The following CTTNBP2NL variants were observed in gnomAD, a reference collection of about 807,000 sequenced individuals.
The protein encoded by CTTNBP2NL is CTTNBP2 N-terminal-like protein.
A neutral mutation model predicts 32.5 loss-of-function variants in CTTNBP2NL; 16 were observed. That is an observed-to-expected ratio of 0.49 (90% CI 0.33 to 0.75). The LOEUF (loss-of-function observed/expected upper bound fraction) is 0.75, where lower values mean the gene tolerates loss of function less well. Ranked by LOEUF, CTTNBP2NL falls within the 30% of genes least tolerant of loss-of-function variation. The pLI, the probability that CTTNBP2NL is intolerant of heterozygous loss-of-function variation, is 0.02. For synonymous variants in CTTNBP2NL, 298 were observed against 289.4 expected, an observed-to-expected ratio of 1.03 and a Z score of -0.30; for missense variants, 645 against 756.0, an observed-to-expected ratio of 0.85 and a Z score of 1.72.
chr1:112,426,874 G>A (rs1649422742), intron 3 of CTTNBP2NL, among the ~76,000 whole-genome samples: 1 of 151,978 alleles, frequency 6.6e-6, no homozygotes, highest in Admixed American at 6.6e-5. Flanking sequence ...CCAAAGTTCT[G>A]GGATTACAGG....
Position 112,449,014 on chromosome 1 carries a change from CAG to C in CTTNBP2NL, c.178_179del (p.Asp60PhefsTer2). ...YNISDPLMAL[Q>X]RDFETLKEKN... Reference sequence around the variant, plus strand: ...CATCAGTGATCCTTTAATGGCTCTACAGAGAGATTTTGAAACACTGAAGGAGA... The same window carrying C: ...CATCAGTGATCCTTTAATGGCTCTACAGAGATTTTGAAACACTGAAGGAGA... On this transcript the variant is annotated frameshift_variant, in exon 4 of 6. Coordinates refer to ENST00000271277, the MANE Select transcript of CTTNBP2NL (RefSeq NM_018704.3). LOFTEE classifies it high-confidence loss of function. The C allele has an allele frequency of 6.2e-7, 1 of 1,612,874 alleles. No individual in the cohort carries two copies. Among genetic ancestry groups the C allele is most frequent in the African/African-American group, 1.3e-5 (1 of 75,002 alleles).
chr1:112,400,411 A>G (rs907443938), intron 1 of CTTNBP2NL, among the ~76,000 whole-genome samples: 4 of 152,202 alleles, frequency 2.6e-5, no homozygotes, highest in African/African-American at 9.7e-5. Context: ...CTGTAATCAC[A>G]GCACTTTTGG....
chr1:112,402,022 C>T (rs1234029322), intron 1 of CTTNBP2NL, among the ~76,000 whole-genome samples: 7 of 152,168 alleles, frequency 4.6e-5, no homozygotes, highest in African/African-American at 1.7e-4. Flanking sequence ...ACAAAGACTC[C>T]TGACCGTGAG....
In CTTNBP2NL at chr1:112,456,706, C is replaced by T; in HGVS notation, c.1214C>T (p.Pro405Leu). The change falls in exon 6 of 6, where the codon CCC (proline) becomes CTC (leucine). Residue 405 changes from proline to leucine, a missense_variant. Pro to Leu is a moderately conservative substitution (Grantham distance 98, BLOSUM62 -3). Coordinates refer to ENST00000271277, the MANE Select transcript of CTTNBP2NL (RefSeq NM_018704.3). ...GIETPVPMPS[P>L]LSSSGSSLSP... ...GAGACTCCAGTCCCAATGCCCAGTC[C>T]CCTCTCTTCCAGTGGGAGCTCACTG... is the stretch of plus-strand genomic sequence containing the variant. The T allele has an allele frequency of 6.2e-7, 1 of 1,614,052 alleles. No individual in the cohort carries two copies. The highest frequency in any genetic ancestry group is 8.5e-7 in the Non-Finnish European group (1 of 1,180,014).
intron 3 of CTTNBP2NL, among the ~76,000 whole-genome samples, chr1:112,426,587 A>G (rs912493625): frequency 1.4e-5 from 2 of 143,580 alleles, no homozygotes; most frequent in African/African-American, 5.2e-5. Flanking sequence ...TAATTAAATC[A>G]TTTTCCCTAC....
chr1:112,415,965 A>G (rs1649048082), intron 2 of CTTNBP2NL, 192 bp from the exon 3 acceptor site: 1 of 502,864 alleles, frequency 2.0e-6, no homozygotes, highest in Non-Finnish European at 3.5e-6. Flanking sequence ...CAATAATTAA[A>G]GTGAATTTTA....
chr1:112,436,854 G>A (rs571123440), intron 3 of CTTNBP2NL, among the ~76,000 whole-genome samples: 1 of 152,046 alleles, frequency 6.6e-6, no homozygotes, highest in Non-Finnish European at 1.5e-5. Flanking sequence ...CTCTCTTGAT[G>A]TCCATGTGTT....
intron 3 of CTTNBP2NL, among the ~76,000 whole-genome samples, chr1:112,431,116 A>G (rs918123063): frequency 2.0e-5 from 3 of 152,222 alleles, no homozygotes; most frequent in African/African-American, 7.2e-5. Flanking sequence ...AACAGTACCT[A>G]TTTAGAGAAC....
chr1:112,414,914 C>CA (rs1649010858), intron 2 of CTTNBP2NL: 1 of 152,208 alleles, frequency 6.6e-6, no homozygotes, highest in African/African-American at 2.4e-5. Context: ...ACAGGCCTGG[C>CA]ACAGTGGCTC....
chr1:112,410,517 T>A (rs1212604373), intron 1 of CTTNBP2NL, among the ~76,000 whole-genome samples: 2 of 152,188 alleles, frequency 1.3e-5, no homozygotes, highest in East Asian at 3.8e-4. Flanking sequence ...GTGTATTTTT[T>A]ATTGAGAAAA....
chr1:112,441,562 T>C (rs1241901656), intron 3 of CTTNBP2NL, among the ~76,000 whole-genome samples: 1 of 152,222 alleles, frequency 6.6e-6, no homozygotes, highest in Non-Finnish European at 1.5e-5. Flanking sequence ...TGGATTAATA[T>C]TTAATACTTA....
In CTTNBP2NL at chr1:112,446,518, A is replaced by G. The variant is rs115832650; in HGVS notation, c.100-2424A>G. ...TTTGGCACTGTTGCTTTTAAAATAC[A>G]ACTAGCTTTTTGGTTTTACTTTCAG... is the stretch of plus-strand genomic sequence containing the variant. On this transcript the variant is annotated intron_variant, in intron 3 of 5. Coordinates refer to ENST00000271277, the MANE Select transcript of CTTNBP2NL (RefSeq NM_018704.3). 2.3e-3 allele frequency among the ~76,000 whole-genome samples: 345 copies of G among 152,340 alleles called. 2 individuals are homozygous for G. Among genetic ancestry groups the G allele is most frequent in the African/African-American group, 7.8e-3 (324 of 41,584 alleles).
chr1:112,442,688 C>A (rs1241730580), intron 3 of CTTNBP2NL, among the ~76,000 whole-genome samples: 1 of 151,902 alleles, frequency 6.6e-6, no homozygotes, highest in Admixed American at 6.6e-5. Context: ...TTCTGTTACT[C>A]ATATTCTTTT....
rs1570736433 is a variant in CTTNBP2NL at position 112,436,821 on chromosome 1, A to G, written c.100-12121A>G. 3.9e-5 allele frequency among the ~76,000 whole-genome samples: 6 copies of G among 152,174 alleles called. 2 individuals carry two copies. Among genetic ancestry groups the G allele is most frequent in the Admixed American group, 3.9e-4 (6 of 15,284 alleles). On this transcript the variant is annotated intron_variant, in intron 3 of 5. Transcript: ENST00000271277. Reference sequence around the variant, plus strand: ...CCCTCATCCCACCCTCCACTGTCAAATAGTCCCCAGTGTCTGTCGTTCCTC... The same window carrying G: ...CCCTCATCCCACCCTCCACTGTCAAGTAGTCCCCAGTGTCTGTCGTTCCTC...
At chr1:112,411,034 A>G (rs1289609705) in intron 1 of CTTNBP2NL, among the ~76,000 whole-genome samples, 2 of 152,206 alleles carry the variant, frequency 1.3e-5, no homozygotes, top group Non-Finnish European at 2.9e-5. Context: ...ATCCTTGGCC[A>G]CATAATTCTG....
rs1557899204 is a variant in CTTNBP2NL at position 112,455,916 on chromosome 1, T to TC, written c.439-14dup. 1 of 1,558,842 alleles carries TC rather than the reference T, an allele frequency of 6.4e-7. No homozygotes were observed. Among genetic ancestry groups the TC allele is most frequent in the Admixed American group, 2.0e-5 (1 of 50,674 alleles). On this transcript the variant is annotated splice_polypyrimidine_tract_variant and intron_variant, in intron 5 of 5. Coordinates refer to ENST00000271277, the MANE Select transcript of CTTNBP2NL (RefSeq NM_018704.3). ...ACAGTTTGTCAGTATGTCTCTCTTT[T>TC]CTTTTTTTTTCTAGTTGGAATTTGA...
At chr1:112,436,073 T>C (rs11581880) in intron 3 of CTTNBP2NL, among the ~76,000 whole-genome samples, 70,158 of 146,778 alleles carry the variant, frequency 0.48, 20,416 homozygotes, top group South Asian at 0.7. Flanking sequence ...GAGATTTGCT[T>C]TTTTTTTTGT....
At chr1:112,415,292 A>G (rs915065202) in intron 2 of CTTNBP2NL, among the ~76,000 whole-genome samples, 4 of 152,232 alleles carry the variant, frequency 2.6e-5, no homozygotes, top group Non-Finnish European at 4.4e-5. Context: ...TATACAAGAT[A>G]TAAATATTGT....
chr1:112,435,142 C>CA (rs5777114), intron 3 of CTTNBP2NL, among the ~76,000 whole-genome samples: 51,866 of 86,002 alleles, frequency 0.6, 17,039 homozygotes, highest in South Asian at 0.74. Context: ...GACTCTGTCT[C>CA]AAAAAAAAAA....
Sources: gnomAD v4.1 joint callset for allele counts (sites outside exome capture counted in the v4.1 genomes callset) on GRCh38, gnomAD v4.1.1 for gene constraint, MANE v1.5 for transcripts, NCBI Gene and HGNC (gene_info 2026-07-23, HGNC 2026-07-21) for gene names.